GREB1L: variants seen among roughly 807,000 people sequenced by gnomAD.
GREB1L encodes the protein GREB1-like protein.
GREB1L carries 17 observed loss-of-function variants against 200.8 expected under a neutral mutation model. The observed-to-expected ratio is 0.08, with a 90% CI of 0.06 to 0.13. The LOEUF (loss-of-function observed/expected upper bound fraction) is 0.13. Ranked by LOEUF, GREB1L falls within the 10% of genes least tolerant of loss-of-function variation. The pLI, the probability that GREB1L is intolerant of heterozygous loss-of-function variation, is 1.00. For missense variants in GREB1L, 1,657 were observed against 2,367.7 expected (o/e 0.70, Z 6.23); for synonymous variants, 789 against 893.0 (o/e 0.88, Z 2.08).
chr18:21,250,158 A>G lies in GREB1L; in HGVS notation c.-120+7765A>G, dbSNP rs192925806. Among the ~76,000 whole-genome samples the G allele has an allele frequency of 2.0e-4, 31 of 152,152 alleles. 1 individual carries two copies. The highest frequency in any genetic ancestry group is 1.8e-3 in the Admixed American group (28 of 15,278). ...AGGAGGCCTGGGAGCAGATGGGGAG[A>G]GGTAAGCGAGGGAGCGAGTGGGGGA... On this transcript the variant is annotated intron_variant, in intron 1 of 32. Coordinates refer to ENST00000424526, the MANE Select transcript of GREB1L (RefSeq NM_001142966.3).
chr18:21,370,889 C>A (rs189205120), intron 2 of GREB1L, among the ~76,000 whole-genome samples: 105 of 152,132 alleles, frequency 6.9e-4, no homozygotes, highest in African/African-American at 2.4e-3. Context: ...ACCAGCCTTG[C>A]CTGCATGGTA....
At chr18:21,324,475 C>A (rs1047616143) in intron 1 of GREB1L, among the ~76,000 whole-genome samples, 12 of 152,192 alleles carry the variant, frequency 7.9e-5, no homozygotes, top group East Asian at 3.8e-4. Context: ...TTGTCTCTGT[C>A]AAAATCAACC....
At chr18:21,253,228 T>C (rs1405994190) in intron 1 of GREB1L, among the ~76,000 whole-genome samples, 1 of 151,436 alleles carries the variant, frequency 6.6e-6, no homozygotes, top group Non-Finnish European at 1.5e-5. Flanking sequence ...GCAGCTAATA[T>C]AGAGAAAACA....
intron 4 of GREB1L, among the ~76,000 whole-genome samples, chr18:21,384,943 G>A (rs2144092347): frequency 6.6e-6 from 1 of 152,064 alleles, no homozygotes; most frequent in African/African-American, 2.4e-5. Context: ...TGTATATTTT[G>A]TTAATCCCTT....
chr18:21,252,874 AG>A (rs931440663), intron 1 of GREB1L, among the ~76,000 whole-genome samples: 1 of 152,210 alleles, frequency 6.6e-6, no homozygotes, highest in Non-Finnish European at 1.5e-5. Context: ...CCCCCAAAAA[AG>A]AAAGTTTTAT....
chr18:21,501,079 AAAAAG>A (rs1269415032), intron 23 of GREB1L, among the ~76,000 whole-genome samples: 72 of 151,358 alleles, frequency 4.8e-4, no homozygotes, highest in African/African-American at 1.6e-3. Flanking sequence ...AAAAAAAAAA[AAAAAG>A]AAAGAAAGAA....
At chr18:21,461,880 C>A (rs2035060857) in intron 15 of GREB1L, among the ~76,000 whole-genome samples, 1 of 152,052 alleles carries the variant, frequency 6.6e-6, no homozygotes, top group African/African-American at 2.4e-5. Flanking sequence ...ATTTCGTGGC[C>A]CTCTGGTAAA....
At chr18:21,282,529 A>G (rs2038286478) in intron 1 of GREB1L, among the ~76,000 whole-genome samples, 1 of 151,500 alleles carries the variant, frequency 6.6e-6, no homozygotes, top group South Asian at 2.1e-4. Context: ...CACGCTAACC[A>G]TTTTTCCATA....
intron 1 of GREB1L, among the ~76,000 whole-genome samples, chr18:21,290,824 C>CAAAAAAA (rs752840997): frequency 1.6e-5 from 1 of 63,202 alleles, no homozygotes; most frequent in Admixed American, 1.8e-4. Context: ...GACTCTGTCT[C>CAAAAAAA]AAAAAAAAAA....
At chr18:21,486,788 T>A (rs1471319999) in intron 18 of GREB1L, among the ~76,000 whole-genome samples, 1 of 152,188 alleles carries the variant, frequency 6.6e-6, no homozygotes, top group Non-Finnish European at 1.5e-5. Context: ...CAATATTCTG[T>A]TTGATCATCC....
chr18:21,456,541 T>G (rs534916584), intron 15 of GREB1L, among the ~76,000 whole-genome samples: 12 of 152,276 alleles, frequency 7.9e-5, no homozygotes, highest in African/African-American at 2.9e-4. Flanking sequence ...GACAGTACAT[T>G]TTTCCCTGTT....
intron 1 of GREB1L, among the ~76,000 whole-genome samples, chr18:21,344,326 G>A (rs527801607): frequency 1.4e-4 from 21 of 152,180 alleles, no homozygotes; most frequent in African/African-American, 4.6e-4. Context: ...GCTTGAACTC[G>A]GGAGGTGGAG....
At position 21,298,952 on chromosome 18, in the gene GREB1L, A is replaced by G. The variant is rs184741553; in HGVS notation, c.-120+56559A>G. On this transcript the variant is annotated intron_variant, in intron 1 of 32. Coordinates refer to ENST00000424526, the MANE Select transcript of GREB1L (RefSeq NM_001142966.3). ...CCTGTCTCTGGGGAGGGGGTTGAGG[A>G]GGAATTGAGGGTGTAGGAAGGAAAG... is the stretch of plus-strand genomic sequence containing the variant. Among the ~76,000 whole-genome samples, 618 of 152,102 alleles carry G rather than the reference A, an allele frequency of 4.1e-3. 3 individuals carry two copies. The highest frequency in any genetic ancestry group is 0.014 in the African/African-American group (596 of 41,504).
intron 1 of GREB1L, among the ~76,000 whole-genome samples, chr18:21,243,432 C>G (rs1186377008): frequency 6.6e-6 from 1 of 152,222 alleles, no homozygotes. Flanking sequence ...CTGGCCCCGG[C>G]TGAGAGGATA....
At chr18:21,492,728 T>C (rs987865298) in intron 19 of GREB1L, among the ~76,000 whole-genome samples, 1 of 152,188 alleles carries the variant, frequency 6.6e-6, no homozygotes, top group African/African-American at 2.4e-5. Context: ...TTACGACTTC[T>C]CAAGGCAGTG....
chr18:21,296,257 G>A (rs1179706032), intron 1 of GREB1L, among the ~76,000 whole-genome samples: 1 of 152,208 alleles, frequency 6.6e-6, no homozygotes, highest in Non-Finnish European at 1.5e-5. Context: ...CCATAAAAAA[G>A]CATGAAGTTA....
chr18:21,514,305 C>A (rs1004043289), intron 28 of GREB1L, among the ~76,000 whole-genome samples: 3 of 152,116 alleles, frequency 2.0e-5, no homozygotes, highest in African/African-American at 7.2e-5. Flanking sequence ...TCATTTAAGG[C>A]CAGGAGTTCT....
At chr18:21,390,014 C>T (rs144538259) in intron 4 of GREB1L, among the ~76,000 whole-genome samples, 4 of 152,262 alleles carry the variant, frequency 2.6e-5, no homozygotes, top group Non-Finnish European at 4.4e-5. Context: ...AACACCATTT[C>T]GGTCAATGAC....
intron 18 of GREB1L, among the ~76,000 whole-genome samples, chr18:21,486,348 C>T (rs1017415963): frequency 3.4e-5 from 5 of 148,596 alleles, no homozygotes; most frequent in Admixed American, 6.8e-5. Flanking sequence ...AGCGAGACTC[C>T]GTCTCAAAAA....
Sources: allele counts gnomAD v4.1 joint callset (sites outside exome capture counted in the v4.1 genomes callset), GRCh38; gene constraint gnomAD v4.1.1; transcripts MANE v1.5; gene names NCBI Gene and HGNC (gene_info 2026-07-23, HGNC 2026-07-21).